Variants in NXPE4 observed in about 807,000 individuals in gnomAD.
NXPE4 encodes the protein neurexophilin and PC-esterase domain family member 4, also known as NXPE family member 4.
Under a neutral mutation model 33.3 loss-of-function variants are expected in NXPE4, and 42 were observed. The ratio of observed to expected loss-of-function variants is 1.26; its 90% CI spans 0.98 to 1.63. The LOEUF (loss-of-function observed/expected upper bound fraction) is 1.63. Among genes scored for constraint, NXPE4 ranks in the 40% most tolerant of loss-of-function variants. NXPE4 has a pLI of 0.00. For synonymous variants in NXPE4, 253 were observed against 234.9 expected, an observed-to-expected ratio of 1.08 and a Z score of -0.71; for missense variants, 709 against 647.6, an observed-to-expected ratio of 1.09 and a Z score of -1.03.
chr11:114,632,594 G>T, the NXPE4 span, among the ~76,000 whole-genome samples: 1 of 98,166 alleles, frequency 1.0e-5, no homozygotes, highest in Non-Finnish European at 1.8e-5. Context: ...ATTGTATATT[G>T]ATGTATATAT....
At chr11:114,634,445 T>C in the NXPE4 span, among the ~76,000 whole-genome samples, 2 of 152,134 alleles carry the variant, frequency 1.3e-5, no homozygotes, top group Non-Finnish European at 2.9e-5. Flanking sequence ...TTTCTTTTGC[T>C]GTGCAGCAGC....
At chr11:114,618,117 C>T in the NXPE4 span, among the ~76,000 whole-genome samples, 2 of 151,742 alleles carry the variant, frequency 1.3e-5, no homozygotes, top group Non-Finnish European at 2.9e-5. Context: ...AGTGTCGCCT[C>T]GTGGGAAACC....
chr11:114,632,912 A>T, the NXPE4 span, among the ~76,000 whole-genome samples: 1 of 87,226 alleles, frequency 1.1e-5, no homozygotes, highest in East Asian at 2.9e-4. Context: ...ATACAATATT[A>T]TATTTTATAT....
chr11:114,628,800 G>A, the NXPE4 span, among the ~76,000 whole-genome samples: 1 of 151,816 alleles, frequency 6.6e-6, no homozygotes. Context: ...AAAAAAGAGA[G>A]AAGAATCAAA....
the NXPE4 span, among the ~76,000 whole-genome samples, chr11:114,663,621 CT>C: frequency 4.9e-4 from 48 of 97,236 alleles, no homozygotes; most frequent in East Asian, 5.6e-3. Flanking sequence ...ATCTATCTAT[CT>C]ATCTATCTAT....
chr11:114,670,242 G>T, the NXPE4 span, among the ~76,000 whole-genome samples: 12 of 152,158 alleles, frequency 7.9e-5, no homozygotes, highest in Non-Finnish European at 1.8e-4. Flanking sequence ...AGAGCTTAGA[G>T]AAATCAAAAT....
chr11:114,644,836 A>G, the NXPE4 span, among the ~76,000 whole-genome samples: 1 of 151,986 alleles, frequency 6.6e-6, no homozygotes, highest in Non-Finnish European at 1.5e-5. Context: ...AAAAAAAAAA[A>G]CTGTAATTAA....
chr11:114,581,230 T>A (rs1194319687), intron 4 of NXPE4, among the ~76,000 whole-genome samples: 1 of 152,058 alleles, frequency 6.6e-6, no homozygotes, highest in Non-Finnish European at 1.5e-5. Flanking sequence ...TGGAGAGAAA[T>A]TAGTAAATAT....
upstream of NXPE4, among the ~76,000 whole-genome samples, chr11:114,598,671 G>T (rs1017674975): frequency 1.1e-4 from 16 of 150,602 alleles, no homozygotes; most frequent in Admixed American, 8.7e-4. Context: ...GGGCCTCTTT[G>T]AGCCATGGCT....
chr11:114,603,785 G>A, the NXPE4 span, among the ~76,000 whole-genome samples: 1 of 151,602 alleles, frequency 6.6e-6, no homozygotes, highest in Non-Finnish European at 1.5e-5. Context: ...ACTGTTACCT[G>A]GAGGATAATA....
chr11:114,571,014 T>C lies in NXPE4; in HGVS notation c.1559A>G (p.Tyr520Cys). ...AGGTGGGTGTACATTATTTGTGCCA[T>C]ATGCAATTGTTATATCCCAGGCATC... ...IIDAWDITIA[Y>C]GTNNVHPPQH... Residue 520 changes from tyrosine to cysteine, a missense_variant, in exon 6 of 6, where the codon TAT becomes TGT. Transcript: ENST00000375478. The C allele has an allele frequency of 6.2e-7, 1 of 1,613,302 alleles. No individual in the cohort carries two copies. Among genetic ancestry groups the C allele is most frequent in the Non-Finnish European group, 8.5e-7 (1 of 1,179,290 alleles).
chr11:114,633,250 AAT>A, the NXPE4 span, among the ~76,000 whole-genome samples: 1 of 134,528 alleles, frequency 7.4e-6, no homozygotes. Flanking sequence ...TATAATATAT[AAT>A]ATATAAGAAT....
chr11:114,604,174 A>T, the NXPE4 span, among the ~76,000 whole-genome samples: 8 of 152,206 alleles, frequency 5.3e-5, no homozygotes, highest in South Asian at 1.7e-3. Context: ...CCTCGCAGTT[A>T]ACTACTGTTA....
chr11:114,585,347 T>A (rs1014043367), intron 2 of NXPE4, among the ~76,000 whole-genome samples: 5 of 152,024 alleles, frequency 3.3e-5, no homozygotes, highest in Non-Finnish European at 7.4e-5. Flanking sequence ...GAGTAGATTT[T>A]AAAAAAACAA....
Position 114,582,933 on chromosome 11 carries a change from A to G in NXPE4, c.185T>C (p.Leu62Ser). The G allele has an allele frequency of 1.2e-6, 2 of 1,614,002 alleles. No individual in the cohort carries two copies. The highest frequency in any genetic ancestry group is 2.2e-5 in the South Asian group (2 of 91,062). The stretch of plus-strand genomic sequence containing the variant: ...GAGTTCAGTCTCTGTTAGTGGCTTT[A>G]ATGATATCAGTGGTGTTTTAGGGAA... ...SLFPKTPLIS[L>S]KPLTETELRI... Residue 62 changes from leucine to serine, a missense_variant, in exon 3 of 6, where the codon TTA becomes TCA. Transcript: ENST00000375478.
the NXPE4 span, among the ~76,000 whole-genome samples, chr11:114,625,631 T>A: frequency 1.2e-4 from 18 of 152,292 alleles, no homozygotes; most frequent in Non-Finnish European, 2.2e-4. Context: ...GGGTAACTGC[T>A]GTTACCCGGT....
chr11:114,660,778 A>G, the NXPE4 span, among the ~76,000 whole-genome samples: 1 of 152,120 alleles, frequency 6.6e-6, no homozygotes, highest in African/African-American at 2.4e-5. Flanking sequence ...TAAAAGGCAT[A>G]CCATTTGGAT....
chr11:114,677,795 G>A, the NXPE4 span, among the ~76,000 whole-genome samples: 2 of 151,948 alleles, frequency 1.3e-5, no homozygotes, highest in South Asian at 4.1e-4. Flanking sequence ...TGTATATAGA[G>A]ATCTATATCT....
the NXPE4 span, among the ~76,000 whole-genome samples, chr11:114,638,252 A>G: frequency 2.7e-4 from 41 of 152,076 alleles, no homozygotes; most frequent in African/African-American, 8.7e-4. Context: ...CCAGTTGATC[A>G]CATCAGCTCC....
Sources: allele counts gnomAD v4.1 joint callset (sites outside exome capture counted in the v4.1 genomes callset), GRCh38; gene constraint gnomAD v4.1.1; transcripts MANE v1.5; gene names NCBI Gene and HGNC (gene_info 2026-07-23, HGNC 2026-07-21).